The following CLIP2 variants were observed in gnomAD, a reference collection of about 807,000 sequenced individuals.
CLIP2 encodes the protein CAP-Gly domain containing linker protein 2.
CLIP2 carries 41 observed loss-of-function variants against 111.7 expected under a neutral mutation model. That is an observed-to-expected ratio of 0.37 (90% CI 0.29 to 0.48). CLIP2 has a LOEUF of 0.48. CLIP2 is among the 20% of genes least tolerant of loss of function. The pLI, the probability that CLIP2 is intolerant of heterozygous loss-of-function variation, is 0.99. For missense variants in CLIP2, 1,160 were observed against 1,422.1 expected, an observed-to-expected ratio of 0.82 and a Z score of 2.96; for synonymous variants, 660 against 644.2, an observed-to-expected ratio of 1.02 and a Z score of -0.37.
At chr7:74,382,856 GAGCCCAGGAGTTCA>G (rs1159414507) in intron 11 of CLIP2, among the ~76,000 whole-genome samples, 1 of 151,652 alleles carries the variant, frequency 6.6e-6, no homozygotes, top group Non-Finnish European at 1.5e-5. Flanking sequence ...AGTATTGCTT[GAGCCCAGGAGTTCA>G]AGACCAGCCT....
chr7:74,360,172 C>T lies in CLIP2; in HGVS notation c.1216-3C>T, dbSNP rs782461129. ...CCTGTCCTGGCCTTCCTTGGGGGCC[C>T]AGTATGTTGCAGAAGCCGAGGAGAA... On this transcript the variant is annotated splice_region_variant and splice_polypyrimidine_tract_variant and intron_variant, in intron 6 of 16. Transcript: ENST00000223398. 1.3e-6 allele frequency: 2 copies of T among 1,596,810 alleles called. No individual in the cohort carries two copies. Among genetic ancestry groups the T allele is most frequent in the Non-Finnish European group, 8.5e-7 (1 of 1,171,956 alleles).
intron 13 of CLIP2, among the ~76,000 whole-genome samples, chr7:74,392,144 G>A (rs918338481): frequency 3.3e-5 from 5 of 151,922 alleles, no homozygotes; most frequent in African/African-American, 1.2e-4. Context: ...GAGGTCAGGA[G>A]ATCGAGACCA....
At chr7:74,292,265 A>G (rs1180049305) in intron 1 of CLIP2, among the ~76,000 whole-genome samples, 2 of 151,888 alleles carry the variant, frequency 1.3e-5, no homozygotes, top group East Asian at 3.9e-4. Context: ...CCACTTCCAT[A>G]CACAGGGGAG....
In CLIP2 at chr7:74,338,168, C is replaced by T; in HGVS notation, c.122-280C>T. 6.6e-6 allele frequency among the ~76,000 whole-genome samples: 1 copy of T among 151,926 alleles called. No individual in the cohort carries two copies. Among genetic ancestry groups the T allele is most frequent in the Admixed American group, 6.6e-5 (1 of 15,170 alleles). On this transcript the variant is annotated intron_variant, in intron 2 of 16. Coordinates refer to ENST00000223398, the MANE Select transcript of CLIP2 (RefSeq NM_003388.5). The surrounding 1 kb of genome is among the most constrained non-coding windows in gnomAD (Gnocchi z 4.3). ...AGTGAGCCACCATATCGCCAATGCACTCTAGTCTGGGTGACAGAGCAAGAC... is the reference window on the plus strand; with the variant it reads ...AGTGAGCCACCATATCGCCAATGCATTCTAGTCTGGGTGACAGAGCAAGAC...
intron 1 of CLIP2, among the ~76,000 whole-genome samples, chr7:74,309,655 C>G (rs1270904719): frequency 6.7e-6 from 1 of 148,234 alleles, no homozygotes; most frequent in South Asian, 2.1e-4. Context: ...GTCAGGAGTT[C>G]GAAACCAGCC....
intron 1 of CLIP2, among the ~76,000 whole-genome samples, chr7:74,306,019 GTC>G (rs1404367191): frequency 2.0e-5 from 3 of 152,032 alleles, no homozygotes; most frequent in African/African-American, 7.2e-5. Context: ...GACCCTGCCT[GTC>G]TCTCATACTC....
At chr7:74,377,768 A>G (rs1409499139) in intron 10 of CLIP2, among the ~76,000 whole-genome samples, 1 of 151,328 alleles carries the variant, frequency 6.6e-6, no homozygotes, top group Non-Finnish European at 1.5e-5. Context: ...CTAGCAACGG[A>G]CTCTTGCCTG....
intron 3 of CLIP2, among the ~76,000 whole-genome samples, chr7:74,341,725 G>A (rs1048262632): frequency 1.3e-5 from 2 of 151,890 alleles, no homozygotes; most frequent in Non-Finnish European, 2.9e-5. Context: ...CCAAGAAGCT[G>A]GGACTACAGG....
intron 1 of CLIP2, among the ~76,000 whole-genome samples, chr7:74,311,172 G>T (rs1461575902): frequency 6.6e-6 from 1 of 151,986 alleles, no homozygotes; most frequent in Non-Finnish European, 1.5e-5. Flanking sequence ...GTAGAGATGG[G>T]GTTTCACTGT....
intron 7 of CLIP2, among the ~76,000 whole-genome samples, chr7:74,361,803 G>C (rs1554309839): frequency 6.6e-6 from 1 of 152,162 alleles, no homozygotes; most frequent in Non-Finnish European, 1.5e-5. Context: ...TGCTTCGCTG[G>C]TGTCATCGCT....
chr7:74,373,565 G>C (rs1790698641), intron 9 of CLIP2, among the ~76,000 whole-genome samples: 1 of 152,140 alleles, frequency 6.6e-6, no homozygotes, highest in Admixed American at 6.6e-5. Context: ...GTGGAGTTGG[G>C]GGTGGGGGTG....
chr7:74,363,447 G>T (rs1554310162), intron 7 of CLIP2, among the ~76,000 whole-genome samples: 1 of 152,212 alleles, frequency 6.6e-6, no homozygotes, highest in Non-Finnish European at 1.5e-5. Context: ...AGCCCTGGGA[G>T]TGGGGATTGG....
intron 6 of CLIP2, among the ~76,000 whole-genome samples, chr7:74,359,304 C>CTT (rs781818730): frequency 1.5e-4 from 18 of 120,344 alleles, no homozygotes; most frequent in African/African-American, 3.4e-4. Flanking sequence ...CTGCAGTAAA[C>CTT]TTTTTTTTTT....
chr7:74,391,056 AAG>A (rs1791282719), intron 13 of CLIP2, among the ~76,000 whole-genome samples: 1 of 152,190 alleles, frequency 6.6e-6, no homozygotes, highest in South Asian at 2.1e-4. Flanking sequence ...TCAAAAAAAA[AAG>A]TAACTATTTT....
At chr7:74,320,589 G>A (rs1788921951) in intron 2 of CLIP2, among the ~76,000 whole-genome samples, 1 of 152,156 alleles carries the variant, frequency 6.6e-6, no homozygotes, top group Non-Finnish European at 1.5e-5. Context: ...ATGGGACCTT[G>A]TTCACATCCC....
intron 3 of CLIP2, among the ~76,000 whole-genome samples, chr7:74,344,707 C>T (rs1247489131): frequency 1.3e-5 from 2 of 151,940 alleles, no homozygotes; most frequent in Non-Finnish European, 2.9e-5. Flanking sequence ...CCAGCCTAAT[C>T]GAGGATTTAG....
chr7:74,375,350 A>G (rs1790743488), intron 9 of CLIP2, among the ~76,000 whole-genome samples: 1 of 151,742 alleles, frequency 6.6e-6, no homozygotes, highest in African/African-American at 2.4e-5. Context: ...GGAGTTCGAG[A>G]CCAGCCTAGG....
chr7:74,338,660 G>T lies in CLIP2; in HGVS notation c.334G>T (p.Val112Leu), dbSNP rs1789553922. 6.4e-7 allele frequency: 1 copy of T among 1,574,416 alleles called. No homozygotes were observed. The highest frequency in any genetic ancestry group is 1.9e-5 in the Admixed American group (1 of 54,038). The change falls in exon 3 of 17, where the codon GTG becomes TTG. Residue 112 changes from valine (V) to leucine (L), a missense_variant. Physicochemically the swap from Val to Leu is conservative, Grantham distance 32 (BLOSUM62 1). This residue lies in a region of CLIP2 where 301 missense variants were observed against 315.2 expected (regional missense o/e 0.96). Coordinates refer to ENST00000223398, the MANE Select transcript of CLIP2 (RefSeq NM_003388.5). This position sits in a 1 kb window ranked among gnomAD's most constrained non-coding sequence, Gnocchi z 4.3. ...CGCACCGGGCCAGTGGGCTGGCGTG[G>T]TGCTGGACGACCCGGTGGGCAAGAA... ...QFAPGQWAGVVLDDPVGKNDG... is the reference protein window; with the variant it reads ...QFAPGQWAGVLLDDPVGKNDG...
At chr7:74,316,725 C>T (rs1446952191) in intron 1 of CLIP2, among the ~76,000 whole-genome samples, 1 of 152,056 alleles carries the variant, frequency 6.6e-6, no homozygotes, top group Non-Finnish European at 1.5e-5. Context: ...CTAAGCCTGG[C>T]TAATTTTTGT....
Sources: allele counts gnomAD v4.1 joint callset (sites outside exome capture counted in the v4.1 genomes callset), GRCh38; gene constraint gnomAD v4.1.1; regional missense constraint gnomAD v4.1.1; non-coding constraint Gnocchi (gnomAD v3.1); transcripts MANE v1.5; gene names NCBI Gene and HGNC (gene_info 2026-07-23, HGNC 2026-07-21).